DCHS2: variants seen among roughly 807,000 people sequenced by gnomAD.
DCHS2 encodes the protein dachsous cadherin-related 2.
In DCHS2, 142 loss-of-function variants were observed where a neutral mutation model predicts 182.4. The ratio of observed to expected loss-of-function variants is 0.78; its 90% CI spans 0.68 to 0.89. The LOEUF (loss-of-function observed/expected upper bound fraction) is 0.89. Among genes scored for constraint, DCHS2 ranks in the 40% least tolerant of loss-of-function variants. DCHS2 has a pLI of 0.00. For synonymous variants in DCHS2, 1,740 were observed against 1,663.3 expected (o/e 1.05, Z -1.12); for missense variants, 4,319 against 4,198.6 (o/e 1.03, Z -0.79).
chr4:154,472,661 C>A (rs1015897714), intron 1 of DCHS2, among the ~76,000 whole-genome samples: 6 of 152,104 alleles, frequency 3.9e-5, no homozygotes, highest in South Asian at 4.1e-4. Context: ...TAATGAACTG[C>A]TAACACTGAC....
Position 154,417,204 on chromosome 4 carries a change from TGA to T in DCHS2, c.2053-39762_2053-39761del, listed in dbSNP as rs70947163. ...GTGTGTGTGTGTGTGTGTGTGTGTG[TGA>T]GAGAGAGAGAGAGAGAGAGAGAGAG... On this transcript the variant is annotated intron_variant, in intron 1 of 19. Transcript: ENST00000357232. Among the ~76,000 whole-genome samples, 129 of 39,468 alleles carry T rather than the reference TGA, an allele frequency of 3.3e-3. 2 individuals carry two copies. Among genetic ancestry groups the T allele is most frequent in the East Asian group, 0.028 (17 of 598 alleles). 25.9% of individuals were successfully genotyped at this position (39,468 alleles called of 152,430 possible).
chr4:154,252,438 A>G (rs1276282740), intron 16 of DCHS2, among the ~76,000 whole-genome samples: 2 of 151,970 alleles, frequency 1.3e-5, no homozygotes. Context: ...CATTCATTCC[A>G]ACTATATTTT....
intron 1 of DCHS2, among the ~76,000 whole-genome samples, chr4:154,401,865 G>A (rs959483329): frequency 2.0e-5 from 3 of 152,110 alleles, no homozygotes; most frequent in Admixed American, 6.5e-5. Context: ...ATGGTGGTGC[G>A]TGCCTATAGT....
chr4:154,392,989 A>T (rs1731774229), intron 1 of DCHS2, among the ~76,000 whole-genome samples: 1 of 152,136 alleles, frequency 6.6e-6, no homozygotes, highest in Non-Finnish European at 1.5e-5. Context: ...ATTTCATCTC[A>T]CTATTCCACT....
At chr4:154,254,844 GA>G (rs536698438) in intron 16 of DCHS2, among the ~76,000 whole-genome samples, 38 of 145,756 alleles carry the variant, frequency 2.6e-4, no homozygotes, top group African/African-American at 7.3e-4. Flanking sequence ...CTCAGAAAAG[GA>G]AAAAAAAAAG....
At chr4:154,331,565 T>C (rs1221773423) in intron 5 of DCHS2, 8 of 1,595,042 alleles carry the variant, frequency 5.0e-6, no homozygotes, top group Admixed American at 1.7e-5. Flanking sequence ...AAACCCTCCA[T>C]CTGCTGTGAA....
chr4:154,320,789 T>C lies in DCHS2; in HGVS notation c.4610A>G (p.Asp1537Gly), dbSNP rs1736029392. 2 of 1,614,006 alleles carry C rather than the reference T, an allele frequency of 1.2e-6. No homozygotes were observed. Among genetic ancestry groups the C allele is most frequent in the Admixed American group, 1.7e-5 (1 of 59,976 alleles). ...TCTACTGTTCAAAAAACTGCCGTCA[T>C]CATCTTTGGCATTGAAGACATACAC... ...TLVYVFNAKD[D>G]DGSFLNSRIQ... The change falls in exon 9 of 20, where the codon GAT becomes GGT. Residue 1537 changes from aspartate to glycine, a missense_variant. By Grantham distance (94) the Asp-to-Gly change is moderately conservative. Coordinates refer to ENST00000357232, the MANE Select transcript of DCHS2 (RefSeq NM_001358235.2).
intron 12 of DCHS2, 172 bp from the exon 13 acceptor site, chr4:154,298,880 C>T (rs1253974564): frequency 3.2e-5 from 31 of 958,120 alleles, no homozygotes; most frequent in African/African-American, 3.3e-5. Flanking sequence ...ATGATAAAGG[C>T]TCTGCCCTCA....
At chr4:154,467,167 A>C (rs1357192599) in intron 1 of DCHS2, among the ~76,000 whole-genome samples, 1 of 152,224 alleles carries the variant, frequency 6.6e-6, no homozygotes, top group Non-Finnish European at 1.5e-5. Flanking sequence ...AAATGTGTGC[A>C]AGGCTATAAA....
intron 10 of DCHS2, among the ~76,000 whole-genome samples, chr4:154,313,294 A>G (rs1735736915): frequency 6.6e-6 from 1 of 152,118 alleles, no homozygotes; most frequent in African/African-American, 2.4e-5. Flanking sequence ...CTTAGTTAAA[A>G]TCTGGTAGTT....
chr4:154,446,077 C>T (rs977392776), intron 1 of DCHS2, among the ~76,000 whole-genome samples: 1 of 152,200 alleles, frequency 6.6e-6, no homozygotes, highest in African/African-American at 2.4e-5. Context: ...GAACTCTTCA[C>T]CTTCTCCTTT....
At position 154,298,332 on chromosome 4, in the gene DCHS2, G is replaced by T; in HGVS notation, c.5982C>A (p.Thr1994=). ...PMSGTLKTSN[T]LDREARSQHT... is the part of the protein sequence containing the mutation. ...GCTGAGATCTGGCTTCACGGTCGAG[G>T]GTGTTGCTGGTTTTCAATGTGCCTG... The change falls in exon 13 of 20, where the codon ACC becomes ACA. Residue 1994 remains threonine, a synonymous_variant. Transcript: ENST00000357232. The T allele has an allele frequency of 6.2e-7, 1 of 1,614,108 alleles. No individual in the cohort carries two copies. The highest frequency in any genetic ancestry group is 8.5e-7 in the Non-Finnish European group (1 of 1,180,008).
chr4:154,298,259 T>C lies in DCHS2; in HGVS notation c.6055A>G (p.Ser2019Gly), dbSNP rs1735036356. 15 of 1,614,198 alleles carry C rather than the reference T, an allele frequency of 9.3e-6. No individual in the cohort carries two copies. The highest frequency in any genetic ancestry group is 1.3e-5 in the Non-Finnish European group (15 of 1,180,026). Residue 2019 changes from serine (S) to glycine (G), a missense_variant, in exon 13 of 20, where the codon AGC becomes GGC. By Grantham distance (56) the Ser-to-Gly change is moderately conservative (BLOSUM62 0). Coordinates refer to ENST00000357232, the MANE Select transcript of DCHS2 (RefSeq NM_001358235.2). ...ARDCSIQGSR[S>G]TTVIIKVYVT... is the part of the protein sequence containing the mutation. The stretch of plus-strand genomic sequence containing the variant: ...TATACTTTTATAATTACAGTGGTGC[T>C]TCGTGAACCCTGGATGCTACAGTCT...
At chr4:154,414,801 G>T (rs539245125) in intron 1 of DCHS2, among the ~76,000 whole-genome samples, 1 of 152,268 alleles carries the variant, frequency 6.6e-6, no homozygotes, top group South Asian at 2.1e-4. Flanking sequence ...ATGAGACCTT[G>T]CTCACCTCTT....
At chr4:154,249,828 A>G in intron 16 of DCHS2, among the ~76,000 whole-genome samples, 1 of 147,644 alleles carries the variant, frequency 6.8e-6, no homozygotes, top group East Asian at 2.1e-4. Flanking sequence ...TCACTTACAA[A>G]TGGGAGCTAA....
At chr4:154,238,095 CG>C (rs550396717) in intron 19 of DCHS2, among the ~76,000 whole-genome samples, 377 of 113,874 alleles carry the variant, frequency 3.3e-3, no homozygotes, top group African/African-American at 0.012. Flanking sequence ...TTGCTGTGGC[CG>C]GGGTGGCAGT....
chr4:154,407,046 G>C (rs890790350), intron 1 of DCHS2, among the ~76,000 whole-genome samples: 1 of 152,202 alleles, frequency 6.6e-6, no homozygotes, highest in Non-Finnish European at 1.5e-5. Context: ...GCAATCCTGA[G>C]ACTGTCCCAC....
chr4:154,325,316 C>CATGTGT lies in DCHS2; in HGVS notation c.4018+2776_4018+2777insACACAT, dbSNP rs555546818. Among the ~76,000 whole-genome samples, 1,203 of 142,742 alleles carry CATGTGT rather than the reference C, an allele frequency of 8.4e-3. 20 individuals are homozygous for CATGTGT. The highest frequency in any genetic ancestry group is 0.026 in the South Asian group (115 of 4,402). 93.6% of individuals were successfully genotyped at this position (142,742 alleles called of 152,430 possible). ...AGTGGTATTATAGCAGGATTATAGC[C>CATGTGT]GTGTGTGTGTGTGTGTGTGTGTGTG... On this transcript the variant is annotated intron_variant, in intron 7 of 19. Transcript: ENST00000357232.
At position 154,489,143 on chromosome 4, in the gene DCHS2, T is replaced by C. The variant is rs182802881; in HGVS notation, c.2052+161A>G. 1.8e-4 allele frequency among the ~76,000 whole-genome samples: 28 copies of C among 152,118 alleles called. No homozygotes were observed. In the East Asian group the frequency reaches 5.1e-3, roughly 27 times the overall value. ...CCCTGGCAAAAAAAAGTTAGGTGAC[T>C]AGAGGGCATCATTCATCTCACTGTA... On this transcript the variant is annotated intron_variant, in intron 1 of 19. Transcript: ENST00000357232.
Sources: allele counts gnomAD v4.1 joint callset (sites outside exome capture counted in the v4.1 genomes callset), GRCh38; gene constraint gnomAD v4.1.1; transcripts MANE v1.5; gene names NCBI Gene and HGNC (gene_info 2026-07-23, HGNC 2026-07-21).